The following THEM5 variants were observed in gnomAD, a reference collection of about 807,000 sequenced individuals.
THEM5 encodes the protein acyl-coenzyme A thioesterase THEM5.
In THEM5, 28 loss-of-function variants were observed where a neutral mutation model predicts 24.2. The observed-to-expected ratio is 1.16, with a 90% CI of 0.86 to 1.59. THEM5 has a LOEUF of 1.59. Among genes scored for constraint, THEM5 ranks in the 40% most tolerant of loss-of-function variants. The pLI is 0.00. For missense variants in THEM5, 260 were observed against 296.8 expected (o/e 0.88, Z 0.91); for synonymous variants, 87 against 114.5 (o/e 0.76, Z 1.53).
At position 151,853,662 on chromosome 1, in the gene THEM5, T is replaced by C; in HGVS notation, c.-97A>G. 6.9e-7 allele frequency: 1 copy of C among 1,441,320 alleles called. No homozygotes were observed. The highest frequency in any genetic ancestry group is 9.2e-7 in the Non-Finnish European group (1 of 1,086,854). The allele number at this position is 1,441,320 out of a possible 1,614,324, so 89.3% of individuals were successfully genotyped here. On this transcript the variant is annotated 5_prime_UTR_variant, in exon 1 of 6. Coordinates refer to ENST00000368817, the MANE Select transcript of THEM5 (RefSeq NM_182578.4). ...CACTTGGGGCCGCTTCTCTCCCTTC[T>C]GTTGCAGGCTTTCTTTCAGAGAGCT...
chr1:151,848,737 C>T (rs916908579), intron 3 of THEM5, among the ~76,000 whole-genome samples: 6 of 152,200 alleles, frequency 3.9e-5, no homozygotes, highest in Non-Finnish European at 8.8e-5. Context: ...CCTTACCAGT[C>T]ACTACAGCCA....
chr1:151,847,974 G>A (rs1652993676), intron 4 of THEM5, 112 bp from the exon 5 acceptor site: 3 of 1,548,724 alleles, frequency 1.9e-6, no homozygotes, highest in Non-Finnish European at 1.7e-6. Flanking sequence ...GGACTCAGAA[G>A]TGGCCCTGGG....
At chr1:151,853,395 C>A in intron 1 of THEM5, 48 bp downstream of exon 1, 1 of 1,595,738 alleles carries the variant, frequency 6.3e-7, no homozygotes, top group South Asian at 1.1e-5. Context: ...TCCTTAAGCC[C>A]TAGGCTCCTG....
chr1:151,852,423 C>G lies in THEM5; in HGVS notation c.160G>C (p.Asp54His). Residue 54 changes from aspartate (D) to histidine (H), a missense_variant, in exon 2 of 6, where the codon GAT (aspartate) becomes CAT (histidine). Asp to His is a moderately conservative substitution (Grantham distance 81). Coordinates refer to ENST00000368817, the MANE Select transcript of THEM5 (RefSeq NM_182578.4). ...CAGCTGGCATTGGGAAGAGCATAAT[C>G]CTTCAAGTCTGTCTTCTCTGGCAAG... ...RFLPEKTDLK[D>H]YALPNASWCS... 1 of 1,614,168 alleles carries G rather than the reference C, an allele frequency of 6.2e-7. No individual in the cohort carries two copies. The highest frequency in any genetic ancestry group is 1.1e-5 in the South Asian group (1 of 91,074).
At chr1:151,848,375 T>C (rs1335516492) in intron 3 of THEM5, 83 bp from the exon 4 acceptor site, 1 of 1,075,980 alleles carries the variant, frequency 9.3e-7, no homozygotes, top group African/African-American at 1.6e-5. Flanking sequence ...CTCCCTCCTG[T>C]GGTGATCCTA....
intron 2 of THEM5, 101 bp from the exon 3 acceptor site, chr1:151,851,292 GAA>G: frequency 2.0e-6 from 3 of 1,493,972 alleles, no homozygotes; most frequent in African/African-American, 2.8e-5. Context: ...ATTAAGGAGA[GAA>G]AACCAGAGGA....
intron 2 of THEM5, 123 bp downstream of exon 2, chr1:151,852,135 G>C: frequency 2.2e-6 from 2 of 926,574 alleles, no homozygotes; most frequent in Non-Finnish European, 3.4e-6. Flanking sequence ...GCAGCATCAG[G>C]GGTGGAGTTG....
In THEM5 at chr1:151,849,222, TAAAA is replaced by T. The variant is rs202129122; in HGVS notation, c.465-934_465-931del. Among the ~76,000 whole-genome samples, 909 of 128,922 alleles carry T rather than the reference TAAAA, an allele frequency of 7.1e-3. 7 individuals carry two copies. Among genetic ancestry groups the T allele is most frequent in the Non-Finnish European group, 0.011 (643 of 59,194 alleles). The allele number at this position is 128,922 out of a possible 152,430, so 84.6% of individuals were successfully genotyped here. ...CAACAGATCAAGACTGTCTCAAAAT[TAAAA>T]AAAAAAAAAAAAGCGTAAAATGTTC... On this transcript the variant is annotated intron_variant, in intron 3 of 5. Coordinates refer to ENST00000368817, the MANE Select transcript of THEM5 (RefSeq NM_182578.4).
Position 151,847,237 on chromosome 1 carries a change from GA to G in THEM5, c.*133del. The G allele has an allele frequency of 9.7e-6, 1 of 103,100 alleles. No individual in the cohort carries two copies. The allele number at this position is 103,100 out of a possible 1,614,324, so 6.4% of individuals were successfully genotyped here. The stretch of plus-strand genomic sequence containing the variant: ...GGCAGGAGGCAGGAGGCAGGCAGGG[GA>G]GGCAGGAGGCAGGAGGCAGGCAGGG... On this transcript the variant is annotated 3_prime_UTR_variant, in exon 6 of 6. Coordinates refer to ENST00000368817, the MANE Select transcript of THEM5 (RefSeq NM_182578.4).
rs754826520 is a variant in THEM5, at chr1:151,851,096, C to T, written c.421G>A (p.Val141Ile). Residue 141 changes from valine (V) to isoleucine (I), a missense_variant, in exon 3 of 6, where the codon GTC (valine) becomes ATC (isoleucine). Physicochemically the swap from Val to Ile is conservative, Grantham distance 29. Coordinates refer to ENST00000368817, the MANE Select transcript of THEM5 (RefSeq NM_182578.4). ...IFFQPTQKKS[V>I]CLFQPGSYLE... ...TAGGAGCCTGGTTGGAAAAGACAGACCGACTTCTTCTGGGTTGGCTGGAAA... is the reference window on the plus strand; with the variant it reads ...TAGGAGCCTGGTTGGAAAAGACAGATCGACTTCTTCTGGGTTGGCTGGAAA... 2.5e-6 allele frequency: 4 copies of T among 1,614,188 alleles called. No individual in the cohort carries two copies. The highest frequency in any genetic ancestry group is 3.4e-6 in the Non-Finnish European group (4 of 1,180,038).
rs1218931464 is a variant in THEM5, at chr1:151,853,508, C to G, written c.58G>C (p.Glu20Gln). The change falls in exon 1 of 6, where the codon GAG (glutamate) becomes CAG (glutamine). Residue 20 changes from glutamate to glutamine, a missense_variant. Coordinates refer to ENST00000368817, the MANE Select transcript of THEM5 (RefSeq NM_182578.4). ...ARLGHHRGLLEAPRILPRLNP... is the reference protein window; with the variant it reads ...ARLGHHRGLLQAPRILPRLNP... ...AGTCTGGGCAGGATACGGGGGGCCT[C>G]AAGAAGGCCTCTGTGGTGGCCAAGT... 1.9e-6 allele frequency: 3 copies of G among 1,613,828 alleles called. No individual in the cohort carries two copies. Among genetic ancestry groups the G allele is most frequent in the African/African-American group, 2.7e-5 (2 of 74,912 alleles).
intron 3 of THEM5, among the ~76,000 whole-genome samples, chr1:151,848,556 T>G (rs1464768347): frequency 6.6e-6 from 1 of 152,272 alleles, no homozygotes; most frequent in Non-Finnish European, 1.5e-5. Context: ...TTTTATTTCA[T>G]CAGGGAAATT....
rs1277520026 is a variant in THEM5, at chr1:151,851,192, C to G, written c.326-1G>C. 1 of 1,614,164 alleles carries G rather than the reference C, an allele frequency of 6.2e-7. No individual in the cohort carries two copies. The highest frequency in any genetic ancestry group is 1.1e-5 in the South Asian group (1 of 91,078). On this transcript the variant is annotated splice_acceptor_variant, in intron 2 of 5. Transcript: ENST00000368817. LOFTEE classifies it high-confidence loss of function. ...GTGAAGATGCGACAGTCACCTTTGT[C>G]TGGGGAGAGATAGGCAGTGTTGCAG...
At chr1:151,848,081 A>C in intron 4 of THEM5, 101 bp downstream of exon 4, 2 of 1,405,772 alleles carry the variant, frequency 1.4e-6, no homozygotes, top group Non-Finnish European at 2.0e-6. Context: ...GGGGAAGGAG[A>C]GTGGCAGGCA....
At chr1:151,848,395 T>C in intron 3 of THEM5, 103 bp from the exon 4 acceptor site, 1 of 894,572 alleles carries the variant, frequency 1.1e-6, no homozygotes, top group Non-Finnish European at 1.8e-6. Flanking sequence ...ACCTTTCCCT[T>C]TCCCTAGACC....
Position 151,852,320 on chromosome 1 carries a change from A to G in THEM5, c.263T>C (p.Phe88Ser). ...KSSGWIKLPSFKSNRDHIRGL... is the reference protein window; with the variant it reads ...KSSGWIKLPSSKSNRDHIRGL... The stretch of plus-strand genomic sequence containing the variant: ...CCGGATGTGGTCTCTGTTGGACTTG[A>G]AGGAGGGCAGCTTGATCCAGCCGCT... The change falls in exon 2 of 6, where the codon TTC (phenylalanine) becomes TCC (serine). Residue 88 changes from phenylalanine to serine, a missense_variant. Transcript: ENST00000368817. 3 of 1,613,968 alleles carry G rather than the reference A, an allele frequency of 1.9e-6. No individual in the cohort carries two copies. The highest frequency in any genetic ancestry group is 2.2e-5 in the East Asian group (1 of 44,878).
chr1:151,853,347 G>C (rs895037281), intron 1 of THEM5, 96 bp downstream of exon 1: 43 of 1,458,956 alleles, frequency 2.9e-5, no homozygotes, highest in Non-Finnish European at 3.8e-5. Context: ...CTGCCCACCT[G>C]CCCTGGCCAT....
At chr1:151,847,559 A>G in intron 5 of THEM5, 145 bp from the exon 6 acceptor site, 2 of 1,392,164 alleles carry the variant, frequency 1.4e-6, no homozygotes, top group South Asian at 1.2e-5. Flanking sequence ...TATAGAAAAA[A>G]AAATCCTAGT....
chr1:151,851,423 TA>T (rs1653119906), intron 2 of THEM5, among the ~76,000 whole-genome samples: 1 of 152,082 alleles, frequency 6.6e-6, no homozygotes, highest in Non-Finnish European at 1.5e-5. Context: ...AGAATGGAGA[TA>T]GGATCAGGGC....
Sources: gnomAD v4.1 joint callset for allele counts (sites outside exome capture counted in the v4.1 genomes callset) on GRCh38, gnomAD v4.1.1 for gene constraint, MANE v1.5 for transcripts, NCBI Gene and HGNC (gene_info 2026-07-23, HGNC 2026-07-21) for gene names.